The following PTK2B variants were observed in gnomAD, a reference collection of about 807,000 sequenced individuals.
PTK2B encodes protein-tyrosine kinase 2-beta.
PTK2B carries 71 observed loss-of-function variants against 142.9 expected under a neutral mutation model. That is an observed-to-expected ratio of 0.50 (90% CI 0.41 to 0.61). The LOEUF (loss-of-function observed/expected upper bound fraction) is 0.61, where lower values mean the gene tolerates loss of function less well. Among genes scored for constraint, PTK2B ranks in the 20% least tolerant of loss-of-function variants. The pLI is 0.00. For missense variants in PTK2B, 1,105 were observed against 1,320.4 expected, an observed-to-expected ratio of 0.84 and a Z score of 2.53; for synonymous variants, 519 against 503.4, an observed-to-expected ratio of 1.03 and a Z score of -0.42.
rs770792374 is a variant in PTK2B at position 27,440,446 on chromosome 8, G to T, written c.2039+5G>T. On this transcript the variant is annotated splice_donor_5th_base_variant and intron_variant, in intron 21 of 30. Coordinates refer to ENST00000346049, the MANE Select transcript of PTK2B (RefSeq NM_173176.3). ...CGAGCTGGTGTGCAGCCTCAGGTGA[G>T]CATGGAGTGTGGGCTGTGGGCTGGG... The T allele has an allele frequency of 6.2e-7, 1 of 1,613,198 alleles. No individual in the cohort carries two copies. The highest frequency in any genetic ancestry group is 1.7e-5 in the Admixed American group (1 of 60,030).
In PTK2B at chr8:27,437,440, G is replaced by A. The variant is rs748208363; in HGVS notation, c.1471G>A (p.Gly491Ser). 16 of 1,613,444 alleles carry A rather than the reference G, an allele frequency of 9.9e-6. No homozygotes were observed. Among genetic ancestry groups the A allele is most frequent in the South Asian group, 2.2e-5 (2 of 90,998 alleles). ...CCACCCGCACATCGTGAAGCTGATC[G>A]GCATCATTGAAGAGGAGCCCACCTG... ...LDHPHIVKLI[G>S]IIEEEPTWII... The change falls in exon 17 of 31, where the codon GGC (glycine) becomes AGC (serine). Residue 491 changes from glycine to serine, a missense_variant. Gly to Ser is a moderately conservative substitution (Grantham distance 56, BLOSUM62 0). Coordinates refer to ENST00000346049, the MANE Select transcript of PTK2B (RefSeq NM_173176.3).
chr8:27,438,198 C>T (rs1438631484), intron 18 of PTK2B, among the ~76,000 whole-genome samples: 2 of 152,230 alleles, frequency 1.3e-5, no homozygotes, highest in East Asian at 3.9e-4. Context: ...GCTTGCTCAC[C>T]TCCAGCTCCC....
At position 27,332,177 on chromosome 8, in the gene PTK2B, AAG is replaced by A. The variant is rs1166628766; in HGVS notation, c.-38+6501_-38+6502del. Among the ~76,000 whole-genome samples the A allele has an allele frequency of 2.6e-5, 4 of 152,332 alleles. 1 individual carries two copies. The East Asian group carries it at 5.8e-4, about 22-fold the overall frequency. ...CAGTTTTTCAGCCCGGGCAAGAGGA[AAG>A]AGAGTCAGAGGGCAGGAGGCCTGAG... On this transcript the variant is annotated intron_variant, in intron 1 of 30. Coordinates refer to ENST00000346049, the MANE Select transcript of PTK2B (RefSeq NM_173176.3).
chr8:27,435,208 T>G, intron 13 of PTK2B, among the ~76,000 whole-genome samples: 1 of 152,192 alleles, frequency 6.6e-6, no homozygotes, highest in East Asian at 1.9e-4. Context: ...CATTTGCAGA[T>G]AGCTATCCTT....
chr8:27,377,254 G>A (rs956660316), intron 1 of PTK2B, among the ~76,000 whole-genome samples: 2 of 152,298 alleles, frequency 1.3e-5, no homozygotes, highest in African/African-American at 4.8e-5. Context: ...AGGAACCAGA[G>A]GAACTTGGGT....
intron 2 of PTK2B, among the ~76,000 whole-genome samples, chr8:27,405,038 CTCTCTCTCTCTCTCT>C (rs1808625079): frequency 2.0e-5 from 1 of 51,168 alleles, no homozygotes; most frequent in East Asian, 3.6e-4. Flanking sequence ...TTCTCTTCCT[CTCTCTCTCTCTCTCT>C]CTCTCTCTCT....
intron 2 of PTK2B, among the ~76,000 whole-genome samples, chr8:27,410,691 G>A (rs929931852): frequency 2.0e-5 from 3 of 152,338 alleles, no homozygotes; most frequent in Non-Finnish European, 2.9e-5. Flanking sequence ...CAAAAGAGAA[G>A]GAAAGTGAGC....
At chr8:27,341,158 G>A (rs547262407) in intron 1 of PTK2B, among the ~76,000 whole-genome samples, 3 of 152,270 alleles carry the variant, frequency 2.0e-5, no homozygotes, top group East Asian at 3.9e-4. Context: ...ACCTCCCCGG[G>A]TGCCCCTCCT....
rs1345898057 is a variant in PTK2B at position 27,438,055 on chromosome 8, A to G, written c.1643+175A>G. ...CTCTGACCCTGTGTCCTCATCTGTA[A>G]AGTTGCAGGCACTGTATGTACCTCA... is the stretch of plus-strand genomic sequence containing the variant. On this transcript the variant is annotated intron_variant, in intron 18 of 30. Transcript: ENST00000346049. 6 of 608,338 alleles carry G rather than the reference A, an allele frequency of 9.9e-6. No individual in the cohort carries two copies. In the African/African-American group the frequency reaches 1.1e-4, roughly 11 times the overall value. 37.7% of individuals were successfully genotyped at this position (608,338 alleles called of 1,614,324 possible).
chr8:27,319,794 T>C (rs925498880), intron 3 of PTK2B, among the ~76,000 whole-genome samples: 1 of 152,128 alleles, frequency 6.6e-6, no homozygotes, highest in African/African-American at 2.4e-5. Flanking sequence ...CATGAGAAAA[T>C]TGAGGTTCTG....
chr8:27,393,962 A>G (rs767254033), intron 1 of PTK2B, among the ~76,000 whole-genome samples: 45 of 152,142 alleles, frequency 3.0e-4, no homozygotes, highest in Non-Finnish European at 4.6e-4. Flanking sequence ...GTCACCTGTC[A>G]CTTAAGGGTA....
chr8:27,343,095 C>T (rs1586119296), intron 1 of PTK2B, among the ~76,000 whole-genome samples: 1 of 152,198 alleles, frequency 6.6e-6, no homozygotes, highest in East Asian at 1.9e-4. Context: ...GCTCAGGGAT[C>T]TACCACCCCC....
intron 1 of PTK2B, among the ~76,000 whole-genome samples, chr8:27,365,578 A>T (rs1445730301): frequency 6.6e-6 from 1 of 152,200 alleles, no homozygotes; most frequent in African/African-American, 2.4e-5. Flanking sequence ...CCTCTGTGGC[A>T]CTGAGAGAGT....
intron 24 of PTK2B, among the ~76,000 whole-genome samples, chr8:27,447,526 G>A (rs1483552776): frequency 6.6e-6 from 1 of 152,338 alleles, no homozygotes; most frequent in Admixed American, 6.5e-5. Context: ...GATGGCAGCA[G>A]TCTCTCTCCT....
At chr8:27,364,561 G>A (rs1805906332) in intron 1 of PTK2B, among the ~76,000 whole-genome samples, 2 of 152,194 alleles carry the variant, frequency 1.3e-5, no homozygotes, top group African/African-American at 4.8e-5. Flanking sequence ...TGTGAGGCGG[G>A]GAGACATTCG....
Position 27,363,905 on chromosome 8 carries a change from G to A in PTK2B, c.-37-33643G>A, listed in dbSNP as rs1805863382. Among the ~76,000 whole-genome samples, 1 of 152,182 alleles carries A rather than the reference G, an allele frequency of 6.6e-6. No individual in the cohort carries two copies. The highest frequency in any genetic ancestry group is 1.5e-5 in the Non-Finnish European group (1 of 68,030). On this transcript the variant is annotated intron_variant, in intron 1 of 30. Transcript: ENST00000346049. The surrounding 1 kb of genome is among the most constrained non-coding windows in gnomAD (Gnocchi z 4.3). Reference sequence around the variant, plus strand: ...ATGAGGAAGTGAGGAAATACCCAGGGCGCTGCAGGGCTAAGATTAGACTAG... The same window carrying A: ...ATGAGGAAGTGAGGAAATACCCAGGACGCTGCAGGGCTAAGATTAGACTAG...
chr8:27,397,940 T>C (rs2131416187), intron 2 of PTK2B, 152 bp downstream of exon 2: 1 of 918,260 alleles, frequency 1.1e-6, no homozygotes, highest in Non-Finnish European at 1.7e-6. Flanking sequence ...TCAGCCTGCA[T>C]CACCAGGCCT....
At chr8:27,313,725 T>G (rs1652466652) in intron 3 of PTK2B, among the ~76,000 whole-genome samples, 1 of 152,178 alleles carries the variant, frequency 6.6e-6, no homozygotes, top group Admixed American at 6.5e-5. Context: ...ACTCCACTAT[T>G]TTGTCTCTTA....
upstream of PTK2B, chr8:27,311,256 G>C: frequency 6.7e-7 from 1 of 1,483,430 alleles, no homozygotes; most frequent in Non-Finnish European, 9.0e-7. Flanking sequence ...GCCGGCTCGG[G>C]CGCCCGGAAC....
Sources: gnomAD v4.1 joint callset for allele counts (sites outside exome capture counted in the v4.1 genomes callset) on GRCh38, gnomAD v4.1.1 for gene constraint, Gnocchi (gnomAD v3.1) non-coding constraint, MANE v1.5 for transcripts, NCBI Gene and HGNC (gene_info 2026-07-23, HGNC 2026-07-21) for gene names.